XRCC1: variants seen among roughly 807,000 people sequenced by gnomAD.
The protein encoded by XRCC1 is DNA repair protein XRCC1.
A neutral mutation model predicts 83.3 loss-of-function variants in XRCC1; 52 were observed. That is an observed-to-expected ratio of 0.62 (90% CI 0.50 to 0.79). The LOEUF is 0.79. Among genes scored for constraint, XRCC1 ranks in the 30% least tolerant of loss-of-function variants. XRCC1 has a pLI of 0.00. For synonymous variants in XRCC1, 281 were observed against 312.6 expected, an observed-to-expected ratio of 0.90 and a Z score of 1.07; for missense variants, 793 against 823.5, an observed-to-expected ratio of 0.96 and a Z score of 0.45.
Position 43,547,360 on chromosome 19 carries a change from T to C in XRCC1, c.1200-383A>G, listed in dbSNP as rs1165301436. ...ACCACCATGCCCCGCCAACTTTTTG[T>C]ATTTTAGTAGAGACACGGTTTCACC... On this transcript the variant is annotated intron_variant, in intron 10 of 16. Coordinates refer to ENST00000262887, the MANE Select transcript of XRCC1 (RefSeq NM_006297.3). 4.6e-5 allele frequency among the ~76,000 whole-genome samples: 7 copies of C among 151,638 alleles called. No homozygotes were observed. The South Asian group carries it at 1.5e-3, about 31-fold the overall frequency.
At chr19:43,567,108 C>T (rs3213289) in intron 2 of XRCC1, among the ~76,000 whole-genome samples, 17 of 151,790 alleles carry the variant, frequency 1.1e-4, no homozygotes, top group Non-Finnish European at 2.2e-4. Context: ...GTCCAGAATA[C>T]GCAAATCCAG....
chr19:43,557,027 G>C (rs1250752708), intron 3 of XRCC1, among the ~76,000 whole-genome samples: 1 of 151,528 alleles, frequency 6.6e-6, no homozygotes, highest in East Asian at 2.0e-4. Context: ...GAAACAAAAA[G>C]ACTGGGCACA....
chr19:43,550,272 C>T (rs1568512839), intron 10 of XRCC1, among the ~76,000 whole-genome samples: 1 of 125,354 alleles, frequency 8.0e-6, no homozygotes, highest in Non-Finnish European at 1.7e-5. Flanking sequence ...GACCATGACA[C>T]ACTTAAGGGG....
chr19:43,553,340 T>A, intron 6 of XRCC1, 61 bp downstream of exon 6: 1 of 1,574,182 alleles, frequency 6.4e-7, no homozygotes, highest in Admixed American at 1.7e-5. Flanking sequence ...CCCTCTACCC[T>A]CAGACCCACG....
rs147288986 is a variant in XRCC1, at chr19:43,545,972, A to T, written c.1482-15T>A. On this transcript the variant is annotated splice_polypyrimidine_tract_variant and intron_variant, in intron 13 of 16. Transcript: ENST00000262887. ...GCTCTGCCACCCTGGGGGTGCCAAG[A>T]GGAGTAGAGAGTGAGCATGCAGAGC... is the stretch of plus-strand genomic sequence containing the variant. 49 of 1,613,746 alleles carry T rather than the reference A, an allele frequency of 3.0e-5. No homozygotes were observed. In the African/African-American group the frequency reaches 5.1e-4, roughly 17 times the overall value.
At chr19:43,574,373 G>C (rs1378367056) in intron 2 of XRCC1, among the ~76,000 whole-genome samples, 1 of 152,060 alleles carries the variant, frequency 6.6e-6, no homozygotes, top group Non-Finnish European at 1.5e-5. Flanking sequence ...ACCATACCTG[G>C]CTATTATTCT....
intron 2 of XRCC1, among the ~76,000 whole-genome samples, chr19:43,564,714 G>T (rs534271663): frequency 2.0e-5 from 3 of 151,214 alleles, no homozygotes; most frequent in Admixed American, 6.6e-5. Context: ...CTTAAACCGG[G>T]GGGGCGGAGG....
chr19:43,564,793 A>C (rs1600057284), intron 2 of XRCC1, among the ~76,000 whole-genome samples: 1 of 117,340 alleles, frequency 8.5e-6, no homozygotes, highest in South Asian at 2.8e-4. Flanking sequence ...CGTCTCAAAA[A>C]AACAAAAAAA....
At chr19:43,574,585 C>G in intron 2 of XRCC1, 1 of 264,314 alleles carries the variant, frequency 3.8e-6, no homozygotes, top group South Asian at 5.2e-5. Context: ...TCCTGGACAC[C>G]TTCCAGCCCT....
Position 43,548,826 on chromosome 19 carries a change from C to T in XRCC1, c.1200-1849G>A, listed in dbSNP as rs992579682. On this transcript the variant is annotated intron_variant, in intron 10 of 16. Coordinates refer to ENST00000262887, the MANE Select transcript of XRCC1 (RefSeq NM_006297.3). ...GTTGACACTTACATGGGACTTCCTA[C>T]ATGCCAGGTAGCACGTGACAAATAC... Among the ~76,000 whole-genome samples, 3 of 144,524 alleles carry T rather than the reference C, an allele frequency of 2.1e-5. No individual in the cohort carries two copies. The Admixed American group carries it at 2.1e-4, about 10-fold the overall frequency. The allele number at this position is 144,524 out of a possible 152,430, so 94.8% of individuals were successfully genotyped here.
chr19:43,543,852 A>G (rs1972481321), intron 15 of XRCC1, among the ~76,000 whole-genome samples, 165 bp from the exon 16 acceptor site: 1 of 152,026 alleles, frequency 6.6e-6, no homozygotes, highest in Non-Finnish European at 1.5e-5. Flanking sequence ...CACAGCCACA[A>G]TGACCAGAGC....
rs1370040004 is a variant in XRCC1, at chr19:43,565,707, G to A, written c.145-4687C>T. 3.9e-5 allele frequency among the ~76,000 whole-genome samples: 6 copies of A among 152,240 alleles called. No individual in the cohort carries two copies. The East Asian group carries it at 1.2e-3, about 29-fold the overall frequency. On this transcript the variant is annotated intron_variant, in intron 2 of 16. Coordinates refer to ENST00000262887, the MANE Select transcript of XRCC1 (RefSeq NM_006297.3). The stretch of plus-strand genomic sequence containing the variant: ...TCCCAGCACCGTGGGAGGTGGAGGC[G>A]GGAGAATCACTTGAGGCCAGGAGTT...
chr19:43,553,123 A>C (rs747258459), intron 6 of XRCC1, 32 bp from the exon 7 acceptor site: 1 of 1,545,500 alleles, frequency 6.5e-7, no homozygotes, highest in Non-Finnish European at 8.8e-7. Flanking sequence ...CCAGGATGAG[A>C]GGGCTGAGCC....
chr19:43,567,474 G>A (rs1972765335), intron 2 of XRCC1, among the ~76,000 whole-genome samples: 1 of 151,910 alleles, frequency 6.6e-6, no homozygotes, highest in Non-Finnish European at 1.5e-5. Context: ...ACCACCCCCG[G>A]CTAATTTTTG....
intron 3 of XRCC1, among the ~76,000 whole-genome samples, chr19:43,556,047 C>T (rs1972632719): frequency 6.6e-6 from 1 of 152,082 alleles, no homozygotes; most frequent in Admixed American, 6.6e-5. Context: ...CGACACCACA[C>T]CTGGCTAATT....
Position 43,560,914 on chromosome 19 carries a change from T to G in XRCC1, c.251A>C (p.Tyr84Ser). ...SSAGGAGEQD[Y>S]EVLLVTSSFM... ...CCATCTCATAGCCCTGCTTACCTCATAGTCTTGCTCCCCAGCGCCTCCAGC... is the reference window on the plus strand; with the variant it reads ...CCATCTCATAGCCCTGCTTACCTCAGAGTCTTGCTCCCCAGCGCCTCCAGC... Residue 84 changes from tyrosine (Y) to serine (S), a missense_variant, in exon 3 of 17, where the codon TAT becomes TCT. Tyr to Ser is a moderately radical substitution (Grantham distance 144). Coordinates refer to ENST00000262887, the MANE Select transcript of XRCC1 (RefSeq NM_006297.3). The G allele has an allele frequency of 6.2e-7, 1 of 1,613,706 alleles. No homozygotes were observed. The highest frequency in any genetic ancestry group is 8.5e-7 in the Non-Finnish European group (1 of 1,179,594).
chr19:43,557,887 G>A (rs994311479), intron 3 of XRCC1, among the ~76,000 whole-genome samples: 6 of 151,418 alleles, frequency 4.0e-5, no homozygotes, highest in South Asian at 4.2e-4. Context: ...TTGGGTTTGT[G>A]CCTTTGATGT....
intron 3 of XRCC1, among the ~76,000 whole-genome samples, chr19:43,556,214 C>T (rs1015436875): frequency 2.0e-5 from 3 of 152,084 alleles, no homozygotes; most frequent in Admixed American, 1.3e-4. Flanking sequence ...GGGTTATGCA[C>T]GTGGTGGTGA....
At chr19:43,548,168 C>T (rs1243172386) in intron 10 of XRCC1, among the ~76,000 whole-genome samples, 1 of 148,404 alleles carries the variant, frequency 6.7e-6, no homozygotes, top group Non-Finnish European at 1.5e-5. Context: ...GGGGCGCCTC[C>T]GCCCGGCCGC....
Sources: gnomAD v4.1 joint callset for allele counts (sites outside exome capture counted in the v4.1 genomes callset) on GRCh38, gnomAD v4.1.1 for gene constraint, MANE v1.5 for transcripts, NCBI Gene and HGNC (gene_info 2026-07-23, HGNC 2026-07-21) for gene names.